Variants in IQUB observed in about 807,000 individuals in gnomAD.
The protein encoded by IQUB is IQ motif and ubiquitin domain containing.
IQUB carries 86 observed loss-of-function variants against 86.4 expected under a neutral mutation model. The ratio of observed to expected loss-of-function variants is 1.00; its 90% confidence interval spans 0.84 to 1.19. The LOEUF (loss-of-function observed/expected upper bound fraction) is 1.19. Ranked by LOEUF, IQUB falls within the 50% of genes most tolerant of loss-of-function variation. IQUB has a pLI of 0.00. For missense variants in IQUB, 946 were observed against 916.9 expected (o/e 1.03, Z -0.41); for synonymous variants, 289 against 304.5 (o/e 0.95, Z 0.53).
At chr7:123,478,407 C>T (rs892084810) in intron 8 of IQUB, among the ~76,000 whole-genome samples, 3 of 151,928 alleles carry the variant, frequency 2.0e-5, no homozygotes, top group Non-Finnish European at 4.4e-5. Context: ...GAACATCACA[C>T]ATGGGGGCCT....
At chr7:123,519,092 A>T (rs1177809504) in intron 1 of IQUB, among the ~76,000 whole-genome samples, 2 of 152,202 alleles carry the variant, frequency 1.3e-5, no homozygotes, top group East Asian at 3.8e-4. Context: ...GAGAAATGCA[A>T]ATCAAAACCA....
intron 9 of IQUB, among the ~76,000 whole-genome samples, chr7:123,467,604 C>CT (rs1259389242): frequency 6.6e-6 from 1 of 152,182 alleles, no homozygotes; most frequent in Non-Finnish European, 1.5e-5. Flanking sequence ...AATGGATCTA[C>CT]TGGGCCACCC....
intron 7 of IQUB, among the ~76,000 whole-genome samples, chr7:123,489,274 A>G (rs1382037150): frequency 2.0e-5 from 3 of 152,180 alleles, no homozygotes; most frequent in Non-Finnish European, 4.4e-5. Flanking sequence ...TCCTATTTTG[A>G]TATAACAGAG....
chr7:123,501,149 G>A (rs912673182), intron 6 of IQUB: 1 of 152,172 alleles, frequency 6.6e-6, no homozygotes, highest in Non-Finnish European at 1.5e-5. Flanking sequence ...GGCATTCATG[G>A]AACATGCTGC....
At chr7:123,528,171 G>A (rs1021783101) in intron 1 of IQUB, among the ~76,000 whole-genome samples, 7 of 152,066 alleles carry the variant, frequency 4.6e-5, no homozygotes, top group Admixed American at 1.3e-4. Context: ...GCCCTGCTTC[G>A]GCTCGCGCAC....
rs116584284 is a variant in IQUB, at chr7:123,483,596, A to G, written c.1235-3626T>C. 3.6e-3 allele frequency among the ~76,000 whole-genome samples: 547 copies of G among 152,232 alleles called. 5 individuals carry two copies. The highest frequency in any genetic ancestry group is 0.013 in the African/African-American group (524 of 41,540). ...GTTCTATGGTTCATAAAAAAGCAAG[A>G]ATAACATAATTCCTTCTTAGAGGAA... On this transcript the variant is annotated intron_variant, in intron 7 of 12. Transcript: ENST00000324698.
In IQUB at chr7:123,461,360, C is replaced by T. The variant is rs150265097; in HGVS notation, c.2004G>A (p.Met668Ile). Residue 668 changes from methionine to isoleucine, a missense_variant, in exon 11 of 13, where the codon ATG becomes ATA. By Grantham distance (10) the Met-to-Ile change is conservative (BLOSUM62 1). Transcript: ENST00000324698. ...TGGCACCCCTTATTGACCATACCTGCATCAAGAAAGCAATTTTAGAATCAT... is the reference window on the plus strand; with the variant it reads ...TGGCACCCCTTATTGACCATACCTGTATCAAGAAAGCAATTTTAGAATCAT... ...YEDDSKIAFL[M>I]QLQDIQYLTE... is the part of the protein sequence containing the mutation. 223 of 1,604,942 alleles carry T rather than the reference C, an allele frequency of 1.4e-4. No individual in the cohort carries two copies. The African/African-American group carries it at 2.6e-3, about 18-fold the overall frequency.
At chr7:123,530,507 T>TA (rs760190519) in intron 1 of IQUB, among the ~76,000 whole-genome samples, 3 of 151,578 alleles carry the variant, frequency 2.0e-5, no homozygotes, top group East Asian at 1.9e-4. Context: ...ACTCAAAAAA[T>TA]AAAAAAATTT....
intron 8 of IQUB, among the ~76,000 whole-genome samples, chr7:123,470,925 C>T (rs945609634): frequency 3.3e-5 from 5 of 151,706 alleles, no homozygotes; most frequent in Non-Finnish European, 7.4e-5. Flanking sequence ...CAATTTACAA[C>T]TAATTTTTTA....
chr7:123,531,553 A>G (rs1213604526), intron 1 of IQUB, among the ~76,000 whole-genome samples: 3 of 152,158 alleles, frequency 2.0e-5, no homozygotes, highest in South Asian at 2.1e-4. Flanking sequence ...TGCAAACTCA[A>G]AGTCTTATAT....
intron 9 of IQUB, among the ~76,000 whole-genome samples, chr7:123,468,420 T>C (rs1477348118): frequency 6.6e-6 from 1 of 152,190 alleles, no homozygotes; most frequent in Non-Finnish European, 1.5e-5. Flanking sequence ...GCGTGTGTAT[T>C]CTCCCCATCC....
chr7:123,526,206 T>C (rs1300890051), intron 1 of IQUB, among the ~76,000 whole-genome samples: 1 of 152,170 alleles, frequency 6.6e-6, no homozygotes, highest in African/African-American at 2.4e-5. Context: ...GTTCTGTAGA[T>C]GTCTATTAAG....
chr7:123,503,899 C>G (rs939347576), intron 3 of IQUB, among the ~76,000 whole-genome samples: 3 of 151,960 alleles, frequency 2.0e-5, no homozygotes, highest in African/African-American at 7.3e-5. Context: ...CTACATTACT[C>G]TCAGTTCATC....
At chr7:123,478,870 G>A (rs902711102) in intron 8 of IQUB, among the ~76,000 whole-genome samples, 1 of 152,064 alleles carries the variant, frequency 6.6e-6, no homozygotes, top group African/African-American at 2.4e-5. Context: ...TCCTTGAAGT[G>A]TAATCTTGGG....
chr7:123,529,662 G>A (rs370786674), intron 1 of IQUB, among the ~76,000 whole-genome samples: 205 of 140,980 alleles, frequency 1.5e-3, no homozygotes, highest in Non-Finnish European at 2.0e-3. Flanking sequence ...TAAAGTGGGC[G>A]GATCTTGAGG....
intron 7 of IQUB, among the ~76,000 whole-genome samples, chr7:123,484,143 T>C (rs934051626): frequency 6.6e-6 from 1 of 152,088 alleles, no homozygotes; most frequent in African/African-American, 2.4e-5. Context: ...CTCTGTCCTT[T>C]ATCAGGAATA....
At chr7:123,524,221 T>A (rs1372377046) in intron 1 of IQUB, among the ~76,000 whole-genome samples, 1 of 146,424 alleles carries the variant, frequency 6.8e-6, no homozygotes, top group African/African-American at 2.5e-5. Context: ...TTTAAAGTAG[T>A]TTTTTCCAAT....
Position 123,461,349 on chromosome 7 carries a change from G to A in IQUB, c.2007+8C>T. The A allele has an allele frequency of 6.3e-7, 1 of 1,598,990 alleles. No individual in the cohort carries two copies. Among genetic ancestry groups the A allele is most frequent in the Non-Finnish European group, 8.5e-7 (1 of 1,169,918 alleles). On this transcript the variant is annotated splice_region_variant and intron_variant, in intron 11 of 12. Transcript: ENST00000324698. ...TCAGCTATAATTGGCACCCCTTATT[G>A]ACCATACCTGCATCAAGAAAGCAAT... is the stretch of plus-strand genomic sequence containing the variant.
chr7:123,512,191 T>C lies in IQUB; in HGVS notation c.150A>G (p.Glu50=). Reference sequence around the variant, plus strand: ...GTATTGCATGGCTCTCACTGAATTGTTCTATTCCAGATTCATGCTCTTCAG... The same window carrying C: ...GTATTGCATGGCTCTCACTGAATTGCTCTATTCCAGATTCATGCTCTTCAG... ...DQTEEHESGI[E]QFSESHAIHV... The change falls in exon 2 of 13, where the codon GAA becomes GAG. Residue 50 remains glutamate (E), a synonymous_variant. Transcript: ENST00000324698. 2 of 1,614,128 alleles carry C rather than the reference T, an allele frequency of 1.2e-6. No homozygotes were observed. Among genetic ancestry groups the C allele is most frequent in the South Asian group, 2.2e-5 (2 of 91,078 alleles).
Sources: allele counts gnomAD v4.1 joint callset (sites outside exome capture counted in the v4.1 genomes callset), GRCh38; gene constraint gnomAD v4.1.1; transcripts MANE v1.5; gene names NCBI Gene and HGNC (gene_info 2026-07-23, HGNC 2026-07-21).